The following LRRC28 variants were observed in gnomAD, a reference collection of about 807,000 sequenced individuals.
LRRC28 encodes the protein leucine rich repeat containing 28, also known as leucine-rich repeat-containing protein 28.
LRRC28 carries 39 observed loss-of-function variants against 45.7 expected under a neutral mutation model. The observed-to-expected ratio is 0.85, with a 90% CI of 0.66 to 1.12. The LOEUF is 1.12. LRRC28 is among the 50% of genes most tolerant of loss of function. The pLI, the probability that LRRC28 is intolerant of heterozygous loss-of-function variation, is 0.00. For synonymous variants in LRRC28, 206 were observed against 178.8 expected, an observed-to-expected ratio of 1.15 and a Z score of -1.22; for missense variants, 435 against 438.5, an observed-to-expected ratio of 0.99 and a Z score of 0.07.
intron 5 of LRRC28, chr15:99,320,507 G>A (rs1252856128): frequency 2.0e-5 from 3 of 152,304 alleles, no homozygotes; most frequent in Admixed American, 2.0e-4. Flanking sequence ...AGGTTCCAAA[G>A]CAAGTTTCCC....
chr15:99,327,200 G>T (rs1409206822), intron 5 of LRRC28, among the ~76,000 whole-genome samples: 1 of 152,036 alleles, frequency 6.6e-6, no homozygotes, highest in African/African-American at 2.4e-5. Context: ...TTAGCCTCCT[G>T]AGTAGCTGGG....
At chr15:99,320,383 T>A (rs1955753754) in intron 5 of LRRC28, among the ~76,000 whole-genome samples, 1 of 152,092 alleles carries the variant, frequency 6.6e-6, no homozygotes, top group African/African-American at 2.4e-5. Flanking sequence ...GACAGTTGTG[T>A]CCTATACTGG....
chr15:99,347,454 G>A (rs534105601), intron 6 of LRRC28, among the ~76,000 whole-genome samples: 28 of 152,236 alleles, frequency 1.8e-4, no homozygotes, highest in African/African-American at 6.3e-4. Flanking sequence ...TGATCTGCCC[G>A]CCTTGGCCTC....
rs910426070 is a variant in LRRC28 at position 99,285,034 on chromosome 15, T to C, written c.210-2223T>C. ...GATGAAGCACTAGCCATCTCTTGGC[T>C]TTGATGGGGCTTTCCTGACTTCACA... On this transcript the variant is annotated intron_variant, in intron 3 of 9. Transcript: ENST00000301981. 23 of 654,524 alleles carry C rather than the reference T, an allele frequency of 3.5e-5. No homozygotes were observed. In the African/African-American group the frequency reaches 3.9e-4, roughly 11 times the overall value. 40.5% of individuals were successfully genotyped at this position (654,524 alleles called of 1,614,324 possible).
chr15:99,276,425 T>C, intron 2 of LRRC28, 151 bp from the exon 3 acceptor site: 1 of 540,940 alleles, frequency 1.8e-6, no homozygotes, highest in Non-Finnish European at 3.3e-6. Context: ...ATGGTCTCTG[T>C]AAGAATAAAA....
intron 9 of LRRC28, among the ~76,000 whole-genome samples, chr15:99,377,033 GATTT>G (rs1416459320): frequency 6.6e-6 from 1 of 152,174 alleles, no homozygotes; most frequent in African/African-American, 2.4e-5. Flanking sequence ...ATAGCAGCTT[GATTT>G]ATAATCCTTT....
At chr15:99,317,718 C>T (rs1036749603) in intron 5 of LRRC28, among the ~76,000 whole-genome samples, 4 of 151,546 alleles carry the variant, frequency 2.6e-5, no homozygotes, top group African/African-American at 9.7e-5. Context: ...AGAACATAAA[C>T]TTAATTTGGA....
chr15:99,315,055 A>G (rs1203441789), intron 5 of LRRC28, among the ~76,000 whole-genome samples: 3 of 152,224 alleles, frequency 2.0e-5, no homozygotes, highest in Non-Finnish European at 4.4e-5. Context: ...AAGGAATAAA[A>G]TAGTAAAAGC....
At chr15:99,277,318 T>G (rs1341701336) in intron 3 of LRRC28, among the ~76,000 whole-genome samples, 1 of 152,144 alleles carries the variant, frequency 6.6e-6, no homozygotes, top group Non-Finnish European at 1.5e-5. Context: ...TCCTTTCATT[T>G]TGAAAAAAAT....
At chr15:99,306,180 T>C (rs1168358137) in intron 5 of LRRC28, among the ~76,000 whole-genome samples, 1 of 152,368 alleles carries the variant, frequency 6.6e-6, no homozygotes, top group Middle Eastern at 3.4e-3. Context: ...GAGGCATTTC[T>C]CTTTGCTGTT....
At chr15:99,297,651 A>G (rs1249813312) in intron 5 of LRRC28, among the ~76,000 whole-genome samples, 1 of 151,238 alleles carries the variant, frequency 6.6e-6, no homozygotes, top group East Asian at 1.9e-4. Flanking sequence ...GTAACTTTAT[A>G]GTATAATTAA....
chr15:99,365,777 A>C (rs1201677750), intron 9 of LRRC28, among the ~76,000 whole-genome samples: 2 of 152,350 alleles, frequency 1.3e-5, no homozygotes, highest in Non-Finnish European at 2.9e-5. Flanking sequence ...TGGAAGTGTT[A>C]GTTTCAACCT....
At chr15:99,309,811 C>T (rs537267715) in intron 5 of LRRC28, among the ~76,000 whole-genome samples, 1 of 152,300 alleles carries the variant, frequency 6.6e-6, no homozygotes, top group East Asian at 1.9e-4. Context: ...CCAACCCTCC[C>T]TTGAGGACAG....
chr15:99,350,838 T>C (rs1434740344), intron 6 of LRRC28, among the ~76,000 whole-genome samples: 2 of 152,206 alleles, frequency 1.3e-5, no homozygotes, highest in East Asian at 3.8e-4. Flanking sequence ...TCTGGCTCTG[T>C]TGCACAAGCT....
chr15:99,278,370 T>C (rs867216672), intron 3 of LRRC28, among the ~76,000 whole-genome samples: 15 of 152,298 alleles, frequency 9.8e-5, no homozygotes, highest in South Asian at 2.1e-4. Context: ...TGCCTCAGCC[T>C]CCTAGTAGCT....
intron 2 of LRRC28, among the ~76,000 whole-genome samples, chr15:99,260,872 G>A: frequency 6.6e-6 from 1 of 152,128 alleles, no homozygotes; most frequent in East Asian, 1.9e-4. Context: ...ACAAGCTTGG[G>A]AATCTGTCAG....
chr15:99,318,142 T>C (rs1955662954), intron 5 of LRRC28, among the ~76,000 whole-genome samples: 1 of 152,266 alleles, frequency 6.6e-6, no homozygotes, highest in Non-Finnish European at 1.5e-5. Flanking sequence ...AAATTTGAGA[T>C]TTAAAAAAAT....
intron 5 of LRRC28, among the ~76,000 whole-genome samples, chr15:99,304,262 T>C (rs1955096875): frequency 6.6e-6 from 1 of 152,226 alleles, no homozygotes; most frequent in Admixed American, 6.5e-5. Flanking sequence ...TTGTCAACTT[T>C]TGTCAACCCC....
chr15:99,327,881 C>A (rs1597355441), intron 5 of LRRC28, among the ~76,000 whole-genome samples: 1 of 152,152 alleles, frequency 6.6e-6, no homozygotes, highest in African/African-American at 2.4e-5. Flanking sequence ...ATTTCCTTGG[C>A]TACATTCTAT....
Sources: allele counts gnomAD v4.1 joint callset (sites outside exome capture counted in the v4.1 genomes callset), GRCh38; gene constraint gnomAD v4.1.1; transcripts MANE v1.5; gene names NCBI Gene and HGNC (gene_info 2026-07-23, HGNC 2026-07-21).